Variants in CLTCL1 observed in about 807,000 individuals in gnomAD.
The protein encoded by CLTCL1 is clathrin heavy chain like 1.
CLTCL1 carries 159 observed loss-of-function variants against 190.0 expected under a neutral mutation model. The ratio of observed to expected loss-of-function variants is 0.84; its 90% CI spans 0.74 to 0.95. CLTCL1 has a LOEUF of 0.95. Ranked by LOEUF, CLTCL1 falls within the 40% of genes least tolerant of loss-of-function variation. The pLI, the probability that CLTCL1 is intolerant of heterozygous loss-of-function variation, is 0.00. For synonymous variants in CLTCL1, 752 were observed against 769.6 expected (o/e 0.98, Z 0.38); for missense variants, 1,878 against 2,033.4 (o/e 0.92, Z 1.47).
chr22:19,255,329 G>A (rs1555971934), intron 2 of CLTCL1, among the ~76,000 whole-genome samples: 1 of 152,190 alleles, frequency 6.6e-6, no homozygotes, highest in Non-Finnish European at 1.5e-5. Context: ...TTGGGAGGCT[G>A]AGGCTGGTGG....
Position 19,242,765 on chromosome 22 carries a change from T to TG in CLTCL1, c.681+9dup. ...TTTTCTCAGGGAGAAGACAGTAGAGTGGATCTTACCTTGCCTCCTGTGGGA... is the reference window on the plus strand; with the variant it reads ...TTTTCTCAGGGAGAAGACAGTAGAGTGGGATCTTACCTTGCCTCCTGTGGGA... On this transcript the variant is annotated intron_variant, in intron 4 of 32. Coordinates refer to ENST00000427926, the MANE Select transcript of CLTCL1 (RefSeq NM_007098.4). The TG allele has an allele frequency of 6.2e-7, 1 of 1,613,624 alleles. No homozygotes were observed. The highest frequency in any genetic ancestry group is 8.5e-7 in the Non-Finnish European group (1 of 1,179,790).
Position 19,210,447 on chromosome 22 carries a change from T to C in CLTCL1, c.3128A>G (p.Tyr1043Cys), listed in dbSNP as rs376058592. The C allele has an allele frequency of 7.4e-6, 12 of 1,613,858 alleles. No homozygotes were observed. Among genetic ancestry groups the C allele is most frequent in the Middle Eastern group, 1.6e-4 (1 of 6,082 alleles). ...IKADRTRVME[Y>C]ISRLDNYDAL... Reference sequence around the variant, plus strand: ...GTCATAGTTGTCCAGGCGGCTGATGTACTCCATGACCCGTGTGCGGTCTGC... The same window carrying C: ...GTCATAGTTGTCCAGGCGGCTGATGCACTCCATGACCCGTGTGCGGTCTGC... Residue 1043 changes from tyrosine to cysteine, a missense_variant, in exon 20 of 33, where the codon TAC becomes TGC. Transcript: ENST00000427926.
Position 19,232,550 on chromosome 22 carries a change from T to C in CLTCL1, c.1570A>G (p.Ile524Val). ...WIFLLRGVMK[I>V]SPEQGLQFSR... ...AACTGCAGGCCCTGTTCCGGACTGA[T>C]CTTCATTACACCCCTCAGCAGAAAG... The change falls in exon 10 of 33, where the codon ATC becomes GTC. Residue 524 changes from isoleucine to valine, a missense_variant. By Grantham distance (29) the Ile-to-Val change is conservative. Coordinates refer to ENST00000427926, the MANE Select transcript of CLTCL1 (RefSeq NM_007098.4). The C allele has an allele frequency of 3.1e-6, 5 of 1,613,958 alleles. No individual in the cohort carries two copies. The highest frequency in any genetic ancestry group is 4.2e-6 in the Non-Finnish European group (5 of 1,179,874).
Position 19,280,523 on chromosome 22 carries a change from T to TA in CLTCL1, c.43-4694dup, listed in dbSNP as rs1183100171. Reference sequence around the variant, plus strand: ...TGAACCTTGAGGTCATTATGCTAAGTAAAAAAAAACCAAGGTCTGGTGAGA... The same window carrying TA: ...TGAACCTTGAGGTCATTATGCTAAGTAAAAAAAAAACCAAGGTCTGGTGAGA... On this transcript the variant is annotated intron_variant, in intron 1 of 32. Coordinates refer to ENST00000427926, the MANE Select transcript of CLTCL1 (RefSeq NM_007098.4). Among the ~76,000 whole-genome samples, 14 of 150,494 alleles carry TA rather than the reference T, an allele frequency of 9.3e-5. No homozygotes were observed. The South Asian group carries it at 1.3e-3, about 14-fold the overall frequency.
intron 3 of CLTCL1, among the ~76,000 whole-genome samples, chr22:19,246,652 T>G (rs1182380079): frequency 6.6e-6 from 1 of 152,082 alleles, no homozygotes; most frequent in African/African-American, 2.4e-5. Context: ...AATTTTGTAT[T>G]TTTACTAGAG....
At chr22:19,185,640 T>C (rs1035690743) in intron 29 of CLTCL1, among the ~76,000 whole-genome samples, 6 of 152,224 alleles carry the variant, frequency 3.9e-5, no homozygotes, top group Admixed American at 3.3e-4. Context: ...GCTCGGCCAC[T>C]TTCTATCTGT....
intron 21 of CLTCL1, among the ~76,000 whole-genome samples, chr22:19,208,632 T>C (rs937052615): frequency 6.6e-6 from 1 of 151,700 alleles, no homozygotes; most frequent in Non-Finnish European, 1.5e-5. Context: ...TCCCTGGGAA[T>C]TGTGGGCCTG....
Position 19,288,967 on chromosome 22 carries a change from C to T in CLTCL1, c.42+2633G>A, listed in dbSNP as rs140889332. Among the ~76,000 whole-genome samples, 3 of 152,294 alleles carry T rather than the reference C, an allele frequency of 2.0e-5. No homozygotes were observed. The East Asian group carries it at 5.8e-4, about 29-fold the overall frequency. ...CAGAAGATGCGTGTGGTGTGATGGG[C>T]TTTATCTCACCTAGCTCATCGCATC... On this transcript the variant is annotated intron_variant, in intron 1 of 32. Transcript: ENST00000427926.
chr22:19,203,152 T>C (rs1436919574), intron 22 of CLTCL1, among the ~76,000 whole-genome samples: 4 of 152,094 alleles, frequency 2.6e-5, no homozygotes, highest in Non-Finnish European at 5.9e-5. Context: ...CTGTCTCTAC[T>C]ACAAATAGAA....
In CLTCL1 at chr22:19,179,949, G is replaced by A; in HGVS notation, c.*41C>T. ...GCATATCCATAGGGGAAGCTGGCAG[G>A]GGCTGGGCCCACGGCAGGGCCTGCA... is the stretch of plus-strand genomic sequence containing the variant. On this transcript the variant is annotated 3_prime_UTR_variant, in exon 33 of 33. Coordinates refer to ENST00000427926, the MANE Select transcript of CLTCL1 (RefSeq NM_007098.4). The A allele has an allele frequency of 1.8e-6, 1 of 550,148 alleles. No individual in the cohort carries two copies. Among genetic ancestry groups the A allele is most frequent in the Admixed American group, 3.2e-5 (1 of 30,874 alleles). The allele number at this position is 550,148 out of a possible 1,614,324, so 34.1% of individuals were successfully genotyped here.
intron 3 of CLTCL1, chr22:19,249,763 C>A: frequency 4.5e-6 from 1 of 223,788 alleles, no homozygotes; most frequent in Non-Finnish European, 9.4e-6. Context: ...GATGGTATGG[C>A]TAGGTTTTGA....
At chr22:19,277,560 T>C (rs2087559720) in intron 1 of CLTCL1, among the ~76,000 whole-genome samples, 2 of 152,146 alleles carry the variant, frequency 1.3e-5, no homozygotes, top group African/African-American at 4.8e-5. Flanking sequence ...TGTAGTGAAA[T>C]AGTTTTTTAA....
At chr22:19,257,859 C>T (rs2086814230) in intron 2 of CLTCL1, 28 of 1,410,806 alleles carry the variant, frequency 2.0e-5, no homozygotes, top group Middle Eastern at 2.0e-4. Context: ...GAGCAAAAAC[C>T]GGGAGCACCT....
At chr22:19,265,280 T>C (rs1407682578) in intron 2 of CLTCL1, among the ~76,000 whole-genome samples, 6 of 152,194 alleles carry the variant, frequency 3.9e-5, no homozygotes, top group Admixed American at 3.9e-4. Flanking sequence ...TGGTAAATGT[T>C]AGACCCTCAC....
At chr22:19,186,887 C>T (rs1555928563) in intron 29 of CLTCL1, among the ~76,000 whole-genome samples, 1 of 152,130 alleles carries the variant, frequency 6.6e-6, no homozygotes, top group African/African-American at 2.4e-5. Context: ...AGGTGTGAGC[C>T]ACCACGTCCA....
chr22:19,188,526 G>A (rs933531479), intron 27 of CLTCL1, among the ~76,000 whole-genome samples: 1 of 152,156 alleles, frequency 6.6e-6, no homozygotes, highest in Non-Finnish European at 1.5e-5. Flanking sequence ...TCTTTTTGCT[G>A]GGGAGGGTCT....
chr22:19,184,660 C>A, intron 29 of CLTCL1: 1 of 435,042 alleles, frequency 2.3e-6, no homozygotes, highest in Non-Finnish European at 4.7e-6. Flanking sequence ...GCCCAGCCTA[C>A]CCTTGCTGAC....
chr22:19,279,408 A>C (rs1569255697), intron 1 of CLTCL1, among the ~76,000 whole-genome samples: 2 of 152,196 alleles, frequency 1.3e-5, no homozygotes, highest in Non-Finnish European at 2.9e-5. Context: ...AAGTGCTAGG[A>C]TTTACAATAT....
intron 24 of CLTCL1, among the ~76,000 whole-genome samples, chr22:19,197,967 C>A (rs2084763212): frequency 6.6e-6 from 1 of 152,166 alleles, no homozygotes; most frequent in African/African-American, 2.4e-5. Flanking sequence ...CTAGCTAGGC[C>A]CCTCCTCTGT....
Sources: allele counts gnomAD v4.1 joint callset (sites outside exome capture counted in the v4.1 genomes callset), GRCh38; gene constraint gnomAD v4.1.1; transcripts MANE v1.5; gene names NCBI Gene and HGNC (gene_info 2026-07-23, HGNC 2026-07-21).